ZNF84: variants seen among roughly 807,000 people sequenced by gnomAD.
ZNF84 encodes zinc finger protein HPF2.
In ZNF84, 12 loss-of-function variants were observed where a neutral mutation model predicts 14.8. The ratio of observed to expected loss-of-function variants is 0.81; its 90% confidence interval spans 0.52 to 1.31. The LOEUF (loss-of-function observed/expected upper bound fraction) is 1.31. Ranked by LOEUF, ZNF84 falls within the 50% of genes most tolerant of loss-of-function variation. The probability of loss-of-function intolerance (pLI) is 0.00; values close to 1 mark genes in which losing one functional copy is unlikely to be tolerated. For missense variants in ZNF84, 859 were observed against 878.6 expected (o/e 0.98, Z 0.28); for synonymous variants, 347 against 291.1 (o/e 1.19, Z -1.96).
chr12:133,041,671 A>C (rs1953891534), intron 2 of ZNF84, among the ~76,000 whole-genome samples, 189 bp downstream of exon 2: 1 of 152,258 alleles, frequency 6.6e-6, no homozygotes, highest in Non-Finnish European at 1.5e-5. Flanking sequence ...AGGATTGAGT[A>C]TTTATAGCAT....
At chr12:133,047,071 G>T (rs1953995466) in intron 2 of ZNF84, among the ~76,000 whole-genome samples, 1 of 150,880 alleles carries the variant, frequency 6.6e-6, no homozygotes, top group African/African-American at 2.4e-5. Context: ...AAAGTGCTGG[G>T]ATTATAGGTG....
intron 4 of ZNF84, among the ~76,000 whole-genome samples, chr12:133,052,925 G>A (rs1353422395): frequency 2.6e-5 from 4 of 152,172 alleles, no homozygotes; most frequent in Non-Finnish European, 5.9e-5. Flanking sequence ...TTTTAGAAAC[G>A]GAATGGAAGC....
chr12:133,056,810 GTTA>G, intron 4 of ZNF84, 141 bp from the exon 5 acceptor site: 1 of 576,104 alleles, frequency 1.7e-6, no homozygotes, highest in Non-Finnish European at 3.0e-6. Flanking sequence ...CTAGAAGATA[GTTA>G]TTATACTTGG....
chr12:133,039,565 C>G (rs1333144343), intron 1 of ZNF84, among the ~76,000 whole-genome samples: 1 of 152,150 alleles, frequency 6.6e-6, no homozygotes, highest in Non-Finnish European at 1.5e-5. Flanking sequence ...TGTTAAACGC[C>G]TTATAGGGTT....
At chr12:133,048,306 A>G (rs1303911487) in intron 3 of ZNF84, 1 of 428,324 alleles carries the variant, frequency 2.3e-6, no homozygotes, top group African/African-American at 2.0e-5. Flanking sequence ...CTGAAACTTA[A>G]GTAGTAATAG....
chr12:133,047,878 T>C (rs1954009045), intron 2 of ZNF84, 77 bp from the exon 3 acceptor site: 2 of 1,532,152 alleles, frequency 1.3e-6, no homozygotes, highest in Non-Finnish European at 1.8e-6. Context: ...GAGAATGAAG[T>C]GCTAAAGCTC....
rs1166920866 is a variant in ZNF84 at position 133,041,338 on chromosome 12, G to T, written c.-130G>T. ...ATGTGAGATAAGAAAGGAGTTCCTG[G>T]AACCAGGAATTCATTCTCAGTGTAG... On this transcript the variant is annotated 5_prime_UTR_variant, in exon 2 of 5. Coordinates refer to ENST00000539354, the MANE Select transcript of ZNF84 (RefSeq NM_001289971.2). The T allele has an allele frequency of 3.4e-6, 3 of 876,446 alleles. No individual in the cohort carries two copies. Among genetic ancestry groups the T allele is most frequent in the African/African-American group, 3.4e-5 (2 of 58,988 alleles). The allele number at this position is 876,446 out of a possible 1,614,324, so 54.3% of individuals were successfully genotyped here. A position where few individuals can be genotyped will look rare whatever the true frequency, so the allele number is the denominator to read the frequency against.
chr12:133,044,925 G>T (rs1191022755), intron 2 of ZNF84, among the ~76,000 whole-genome samples: 1 of 151,268 alleles, frequency 6.6e-6, no homozygotes, highest in African/African-American at 2.4e-5. Flanking sequence ...AAAAAAAAAA[G>T]AATATAGCTA....
intron 4 of ZNF84, among the ~76,000 whole-genome samples, chr12:133,054,737 AAAT>A (rs767237638): frequency 2.6e-5 from 4 of 152,066 alleles, no homozygotes; most frequent in Non-Finnish European, 4.4e-5. Flanking sequence ...TTTCAATTAA[AAAT>A]ACAATTTTTT....
At chr12:133,046,840 A>G (rs943518681) in intron 2 of ZNF84, among the ~76,000 whole-genome samples, 37 of 144,180 alleles carry the variant, frequency 2.6e-4, no homozygotes, top group African/African-American at 9.4e-4. Flanking sequence ...ATTTATATAT[A>G]TTTTATATTA....
chr12:133,058,135 C>G lies in ZNF84; in HGVS notation c.1420C>G (p.Leu474Val). The G allele has an allele frequency of 6.2e-7, 1 of 1,613,970 alleles. No individual in the cohort carries two copies. The highest frequency in any genetic ancestry group is 8.5e-7 in the Non-Finnish European group (1 of 1,180,038). ...CGKAFSRKSQ[L>V]VRHQRTHTGE... The stretch of plus-strand genomic sequence containing the variant: ...GAAAGCCTTCAGCAGGAAATCACAG[C>G]TCGTTAGACATCAGAGAACTCATAC... Residue 474 changes from leucine to valine, a missense_variant, in exon 5 of 5, where the codon CTC becomes GTC. Physicochemically the swap from Leu to Val is conservative, Grantham distance 32. Transcript: ENST00000539354.
intron 2 of ZNF84, among the ~76,000 whole-genome samples, chr12:133,046,686 G>T (rs1004092662): frequency 6.7e-6 from 1 of 150,262 alleles, no homozygotes; most frequent in Non-Finnish European, 1.5e-5. Flanking sequence ...TTTTGAGATG[G>T]GGTCTCACTC....
chr12:133,059,032 C>A lies in ZNF84; in HGVS notation c.*100C>A. 8.9e-7 allele frequency: 1 copy of A among 1,123,938 alleles called. No individual in the cohort carries two copies. The highest frequency in any genetic ancestry group is 1.3e-6 in the Non-Finnish European group (1 of 791,762). The allele number at this position is 1,123,938 out of a possible 1,614,324, so 69.6% of individuals were successfully genotyped here. On this transcript the variant is annotated 3_prime_UTR_variant, in exon 5 of 5. Transcript: ENST00000539354. Reference sequence around the variant, plus strand: ...AGTCACGTCATGTTAGGTGTTTGTACTCCATGAGGATGAGAACTCTAAATG... The same window carrying A: ...AGTCACGTCATGTTAGGTGTTTGTAATCCATGAGGATGAGAACTCTAAATG...
intron 2 of ZNF84, among the ~76,000 whole-genome samples, chr12:133,046,934 T>G (rs1264061498): frequency 7.7e-5 from 11 of 142,964 alleles, no homozygotes; most frequent in Non-Finnish European, 3.0e-5. Flanking sequence ...ATTTTTAATA[T>G]AATATTTATA....
chr12:133,057,333 C>G lies in ZNF84; in HGVS notation c.618C>G (p.Leu206=). Residue 206 remains leucine, a synonymous_variant, in exon 5 of 5, where the codon CTC becomes CTG. Coordinates refer to ENST00000539354, the MANE Select transcript of ZNF84 (RefSeq NM_001289971.2). ...ATAGAAATCGTTTAGGGGAGAAACT[C>G]TATGAATGCAGTGAATGTAGGAAGC... ...IYHRNRLGEK[L]YECSECRKRF... The G allele has an allele frequency of 6.2e-7, 1 of 1,613,644 alleles. No homozygotes were observed. Among genetic ancestry groups the G allele is most frequent in the Non-Finnish European group, 8.5e-7 (1 of 1,179,940 alleles).
intron 4 of ZNF84, among the ~76,000 whole-genome samples, chr12:133,056,532 T>G (rs1256368409): frequency 6.6e-6 from 1 of 152,124 alleles, no homozygotes; most frequent in Non-Finnish European, 1.5e-5. Context: ...GGATTACAGG[T>G]GTGAGCCACC....
At chr12:133,040,675 A>G (rs1333366438) in intron 1 of ZNF84, 4 of 152,130 alleles carry the variant, frequency 2.6e-5, no homozygotes, top group Middle Eastern at 3.2e-3. Flanking sequence ...GTTGTTACAC[A>G]ATGATTTTTT....
intron 4 of ZNF84, among the ~76,000 whole-genome samples, chr12:133,056,403 A>C (rs1190876745): frequency 6.6e-6 from 1 of 151,744 alleles, no homozygotes; most frequent in Non-Finnish European, 1.5e-5. Context: ...ACAGGCGCCC[A>C]CCACCACACC....
At chr12:133,043,943 C>T (rs2137342112) in intron 2 of ZNF84, among the ~76,000 whole-genome samples, 1 of 147,792 alleles carries the variant, frequency 6.8e-6, no homozygotes, top group East Asian at 2.0e-4. Flanking sequence ...TTTTTTTTTC[C>T]AGTAGAGATG....
Sources: gnomAD v4.1 joint callset for allele counts (sites outside exome capture counted in the v4.1 genomes callset) on GRCh38, gnomAD v4.1.1 for gene constraint, MANE v1.5 for transcripts, NCBI Gene and HGNC (gene_info 2026-07-23, HGNC 2026-07-21) for gene names.